Variants in FBXL7 observed in about 807,000 individuals in gnomAD.
FBXL7 encodes the protein F-box/LRR-repeat protein 7.
A neutral mutation model predicts 38.3 loss-of-function variants in FBXL7; 12 were observed. The observed-to-expected ratio is 0.31, with a 90% CI of 0.20 to 0.51. The LOEUF (loss-of-function observed/expected upper bound fraction) is 0.51, where lower values mean the gene tolerates loss of function less well. Among genes scored for constraint, FBXL7 ranks in the 20% least tolerant of loss-of-function variants. The pLI is 0.98. For missense variants in FBXL7, 567 were observed against 676.4 expected, an observed-to-expected ratio of 0.84 and a Z score of 1.79; for synonymous variants, 297 against 300.9, an observed-to-expected ratio of 0.99 and a Z score of 0.13.
intron 1 of FBXL7, among the ~76,000 whole-genome samples, chr5:15,565,642 A>C (rs1227960416): frequency 2.6e-5 from 4 of 152,166 alleles, no homozygotes; most frequent in Non-Finnish European, 5.9e-5. Flanking sequence ...CTAAGTCCCA[A>C]TATCTACAGT....
At chr5:15,581,778 C>T (rs1739148743) in intron 1 of FBXL7, among the ~76,000 whole-genome samples, 1 of 151,978 alleles carries the variant, frequency 6.6e-6, no homozygotes, top group Non-Finnish European at 1.5e-5. Context: ...GTGGGTGCCA[C>T]ACAGTTGTGT....
chr5:15,698,680 CAA>C (rs1187597923), intron 2 of FBXL7, among the ~76,000 whole-genome samples: 1 of 152,164 alleles, frequency 6.6e-6, no homozygotes, highest in Non-Finnish European at 1.5e-5. Context: ...CCACAGAGCT[CAA>C]GTGTATTCTA....
At chr5:15,804,752 C>T (rs1561133030) in intron 2 of FBXL7, among the ~76,000 whole-genome samples, 3 of 152,170 alleles carry the variant, frequency 2.0e-5, no homozygotes, top group Non-Finnish European at 2.9e-5. Flanking sequence ...GTGAACTGCA[C>T]ATGTGAGGGA....
At chr5:15,507,196 G>T (rs1396279409) in intron 1 of FBXL7, among the ~76,000 whole-genome samples, 1 of 152,050 alleles carries the variant, frequency 6.6e-6, no homozygotes, top group Admixed American at 6.6e-5. Context: ...TCTGAGTAGA[G>T]GTAGGTGTTC....
At chr5:15,712,267 A>G (rs1743898807) in intron 2 of FBXL7, among the ~76,000 whole-genome samples, 1 of 151,384 alleles carries the variant, frequency 6.6e-6, no homozygotes, top group South Asian at 2.1e-4. Flanking sequence ...AAAAGCCTTT[A>G]TACAATTTAT....
intron 2 of FBXL7, among the ~76,000 whole-genome samples, chr5:15,664,728 C>A (rs2126589047): frequency 6.6e-6 from 1 of 152,132 alleles, no homozygotes; most frequent in South Asian, 2.1e-4. Context: ...CCTCAGCCTC[C>A]CAAAGTGCTG....
chr5:15,877,746 A>T (rs968963911), intron 2 of FBXL7, among the ~76,000 whole-genome samples: 2 of 152,162 alleles, frequency 1.3e-5, no homozygotes, highest in Admixed American at 6.5e-5. Flanking sequence ...CTCTTTTTAA[A>T]ATAACTCATA....
rs551312754 is a variant in FBXL7, at chr5:15,772,018, G to A, written c.128-155872G>A. On this transcript the variant is annotated intron_variant, in intron 2 of 3. Coordinates refer to ENST00000504595, the MANE Select transcript of FBXL7 (RefSeq NM_012304.5). ...ACTCCTGACCTCAAGTGATCCACCC[G>A]CCTGGGCCTCCCAAAGTGCTGGAAT... is the stretch of plus-strand genomic sequence containing the variant. 1.3e-4 allele frequency among the ~76,000 whole-genome samples: 19 copies of A among 152,000 alleles called. No homozygotes were observed. In the South Asian group the frequency reaches 1.5e-3, roughly 12 times the overall value.
chr5:15,536,263 A>G (rs1012266251), intron 1 of FBXL7, among the ~76,000 whole-genome samples: 1 of 152,266 alleles, frequency 6.6e-6, no homozygotes, highest in African/African-American at 2.4e-5. Context: ...GAGACTGCAC[A>G]TAGAATCCCT....
chr5:15,920,897 A>C (rs1183734618), intron 2 of FBXL7, among the ~76,000 whole-genome samples: 1 of 152,160 alleles, frequency 6.6e-6, no homozygotes, highest in African/African-American at 2.4e-5. Context: ...CACAAAATAC[A>C]CTAGATATCA....
chr5:15,708,334 T>C (rs16867589), intron 2 of FBXL7, among the ~76,000 whole-genome samples: 8,014 of 152,286 alleles, frequency 0.053, 230 homozygotes, highest in East Asian at 0.081. Context: ...CCATTTCGAA[T>C]CTCATTGTAG....
intron 2 of FBXL7, among the ~76,000 whole-genome samples, chr5:15,706,654 G>A (rs778875170): frequency 9.2e-5 from 14 of 152,124 alleles, no homozygotes; most frequent in Non-Finnish European, 1.8e-4. Flanking sequence ...GGAAAGATTT[G>A]TAAAATGAAA....
At chr5:15,566,575 T>C (rs1414467903) in intron 1 of FBXL7, among the ~76,000 whole-genome samples, 4 of 152,180 alleles carry the variant, frequency 2.6e-5, no homozygotes, top group Non-Finnish European at 5.9e-5. Flanking sequence ...TCTTTTTTAA[T>C]GCGAAAATGA....
intron 2 of FBXL7, among the ~76,000 whole-genome samples, chr5:15,856,060 TG>T (rs912291962): frequency 3.9e-5 from 6 of 152,250 alleles, no homozygotes; most frequent in African/African-American, 1.4e-4. Flanking sequence ...TACCTGAGAC[TG>T]GGAAGAAAAA....
At chr5:15,545,189 A>AT (rs1737865226) in intron 1 of FBXL7, among the ~76,000 whole-genome samples, 1 of 152,172 alleles carries the variant, frequency 6.6e-6, no homozygotes, top group African/African-American at 2.4e-5. Context: ...TGTCATGCTT[A>AT]TTTTTTATCA....
intron 2 of FBXL7, among the ~76,000 whole-genome samples, chr5:15,927,333 G>C (rs939551784): frequency 3.9e-5 from 6 of 152,072 alleles, no homozygotes; most frequent in African/African-American, 1.4e-4. Flanking sequence ...GTCACTCCTG[G>C]TGCAGACCAC....
intron 2 of FBXL7, among the ~76,000 whole-genome samples, chr5:15,781,223 A>G (rs1736982499): frequency 6.6e-6 from 1 of 152,168 alleles, no homozygotes; most frequent in South Asian, 2.1e-4. Flanking sequence ...GCTCTAAAGG[A>G]TAAATAGAAA....
At chr5:15,706,269 A>G (rs575150418) in intron 2 of FBXL7, among the ~76,000 whole-genome samples, 9 of 152,224 alleles carry the variant, frequency 5.9e-5, no homozygotes, top group Admixed American at 4.6e-4. Context: ...TTCAAAAGCT[A>G]TGGTTATTTA....
At chr5:15,885,990 G>C (rs1447116953) in intron 2 of FBXL7, among the ~76,000 whole-genome samples, 1 of 151,856 alleles carries the variant, frequency 6.6e-6, no homozygotes, top group East Asian at 1.9e-4. Flanking sequence ...CAAAGTGCTG[G>C]GATTATAGGC....
Sources: gnomAD v4.1 joint callset for allele counts (sites outside exome capture counted in the v4.1 genomes callset) on GRCh38, gnomAD v4.1.1 for gene constraint, MANE v1.5 for transcripts, NCBI Gene and HGNC (gene_info 2026-07-23, HGNC 2026-07-21) for gene names.